The following DPYD variants were observed in gnomAD, a reference collection of about 807,000 sequenced individuals.
DPYD encodes dihydropyrimidine dehydrogenase [NADP(+)].
Under a neutral mutation model 116.2 loss-of-function variants are expected in DPYD, and 109 were observed. The observed-to-expected ratio is 0.94, with a 90% CI of 0.80 to 1.10. The LOEUF (loss-of-function observed/expected upper bound fraction) is 1.10. Among genes scored for constraint, DPYD ranks in the 50% least tolerant of loss-of-function variants. DPYD has a pLI of 0.00. For synonymous variants in DPYD, 440 were observed against 432.0 expected (o/e 1.02, Z -0.23); for missense variants, 1,302 against 1,254.5 (o/e 1.04, Z -0.57).
chr1:97,361,851 T>G (rs1403045227), intron 16 of DPYD, among the ~76,000 whole-genome samples: 5 of 152,222 alleles, frequency 3.3e-5, no homozygotes, highest in Admixed American at 2.6e-4. Flanking sequence ...AATATCATAC[T>G]GAATGGGCAA....
chr1:97,561,091 AT>A (rs1652111926), intron 11 of DPYD, among the ~76,000 whole-genome samples: 2 of 152,348 alleles, frequency 1.3e-5, no homozygotes, highest in African/African-American at 4.8e-5. Context: ...GTTTGTTACA[AT>A]AAAATAGGAC....
At position 97,333,922 on chromosome 1, in the gene DPYD, G is replaced by A. The variant is rs910320476; in HGVS notation, c.2059-27625C>T. Among the ~76,000 whole-genome samples, 4 of 152,118 alleles carry A rather than the reference G, an allele frequency of 2.6e-5. No homozygotes were observed. In the East Asian group the frequency reaches 5.8e-4, roughly 22 times the overall value. The stretch of plus-strand genomic sequence containing the variant: ...TCAGACAAAAATGAGCATACCATAT[G>A]CTCTATATGGAAACAAGAAAAAGTG... On this transcript the variant is annotated intron_variant, in intron 16 of 22. Transcript: ENST00000370192.
rs1208199188 is a variant in DPYD at position 97,720,831 on chromosome 1, G to A, written c.483+679C>T. The stretch of plus-strand genomic sequence containing the variant: ...ATGATACATGGGAATTAACCTGCTT[G>A]TTGACTCCAAATAGGAGACGTCAGA... On this transcript the variant is annotated intron_variant, in intron 5 of 22. Transcript: ENST00000370192. 7.5e-6 allele frequency: 12 copies of A among 1,595,638 alleles called. No homozygotes were observed. The East Asian group carries it at 2.5e-4, about 33-fold the overall frequency.
chr1:97,402,991 T>C (rs544524882), intron 14 of DPYD, among the ~76,000 whole-genome samples: 81 of 152,242 alleles, frequency 5.3e-4, no homozygotes, highest in African/African-American at 1.9e-3. Context: ...ATTCTTTTTA[T>C]ACATTGTTGC....
At position 97,803,812 on chromosome 1, in the gene DPYD, G is replaced by A. The variant is rs368910453; in HGVS notation, c.233+24302C>T. 5.6e-4 allele frequency among the ~76,000 whole-genome samples: 85 copies of A among 151,860 alleles called. 4 individuals are homozygous for A. The South Asian group carries it at 0.017, about 31-fold the overall frequency. ...GCTTATATATTACCATGCGTTACAT[G>A]GTTAGTTTTACCAAAGCAAATAACT... On this transcript the variant is annotated intron_variant, in intron 3 of 22. Transcript: ENST00000370192.
At chr1:97,252,059 T>A (rs1027621314) in intron 18 of DPYD, among the ~76,000 whole-genome samples, 3 of 137,436 alleles carry the variant, frequency 2.2e-5, no homozygotes, top group Admixed American at 2.1e-4. Flanking sequence ...AACCTTGTAG[T>A]CATAAACTTA....
At chr1:97,666,325 G>C (rs533261516) in intron 8 of DPYD, among the ~76,000 whole-genome samples, 2 of 151,798 alleles carry the variant, frequency 1.3e-5, no homozygotes, top group African/African-American at 4.8e-5. Flanking sequence ...TCTGCATGGC[G>C]AATTTTTTCT....
intron 4 of DPYD, among the ~76,000 whole-genome samples, chr1:97,733,215 AG>A (rs1663732136): frequency 6.6e-6 from 1 of 152,032 alleles, no homozygotes; most frequent in South Asian, 2.1e-4. Context: ...AACTTAGAAT[AG>A]GGTCTGTCAT....
At chr1:97,402,417 T>C (rs568724793) in intron 14 of DPYD, among the ~76,000 whole-genome samples, 3 of 152,270 alleles carry the variant, frequency 2.0e-5, no homozygotes, top group African/African-American at 7.2e-5. Flanking sequence ...AACTTCTACT[T>C]TTTCATTGTT....
At chr1:97,362,375 G>A (rs1455780779) in intron 16 of DPYD, among the ~76,000 whole-genome samples, 5 of 152,134 alleles carry the variant, frequency 3.3e-5, no homozygotes, top group Admixed American at 2.6e-4. Context: ...TGGCCATACT[G>A]CCCAAGGTAA....
chr1:97,230,040 A>G (rs1318976277), intron 19 of DPYD, among the ~76,000 whole-genome samples: 1 of 152,200 alleles, frequency 6.6e-6, no homozygotes, highest in Admixed American at 6.5e-5. Flanking sequence ...TTACACACCA[A>G]GCAGTCAATA....
intron 15 of DPYD, among the ~76,000 whole-genome samples, chr1:97,376,355 T>C (rs948738053): frequency 6.6e-6 from 1 of 152,076 alleles, no homozygotes; most frequent in Admixed American, 6.6e-5. Flanking sequence ...ATTAAAATAT[T>C]TTAAAATCAC....
chr1:97,291,176 G>C (rs1216879765), intron 18 of DPYD, among the ~76,000 whole-genome samples: 1 of 151,788 alleles, frequency 6.6e-6, no homozygotes, highest in East Asian at 1.9e-4. Context: ...TCATTAAAAA[G>C]TCAGGAAACA....
chr1:97,344,188 A>AG (rs879302245), intron 16 of DPYD, among the ~76,000 whole-genome samples: 2 of 150,972 alleles, frequency 1.3e-5, no homozygotes, highest in Admixed American at 6.6e-5. Flanking sequence ...AAATAAAAAA[A>AG]AGAGAGAGAG....
intron 13 of DPYD, among the ~76,000 whole-genome samples, chr1:97,488,972 G>A (rs148726383): frequency 5.3e-5 from 8 of 152,250 alleles, no homozygotes; most frequent in African/African-American, 1.2e-4. Flanking sequence ...GTATGCTGCC[G>A]CTTCAGTAAA....
chr1:97,290,199 T>C (rs748897657), intron 18 of DPYD, among the ~76,000 whole-genome samples: 26 of 151,886 alleles, frequency 1.7e-4, no homozygotes, highest in Non-Finnish European at 3.7e-4. Context: ...AGGATACAAG[T>C]GGAAGAACAT....
chr1:97,883,299 T>C lies in DPYD; in HGVS notation c.115A>G (p.Lys39Glu). ...TTATCAGGATTTCTTTTCCAATGTTTCTTGTCTAATTTCTTGGCCGAAGTG... is the reference window on the plus strand; with the variant it reads ...TTATCAGGATTTCTTTTCCAATGTTCCTTGTCTAATTTCTTGGCCGAAGTG... The part of the protein sequence containing the change: ...CSTSAKKLDK[K>E]HWKRNPDKNC... The change falls in exon 2 of 23, where the codon AAA becomes GAA. Residue 39 changes from lysine to glutamate, a missense_variant. Transcript: ENST00000370192. 1 of 1,612,688 alleles carries C rather than the reference T, an allele frequency of 6.2e-7. No homozygotes were observed. The highest frequency in any genetic ancestry group is 8.5e-7 in the Non-Finnish European group (1 of 1,179,002).
intron 2 of DPYD, among the ~76,000 whole-genome samples, chr1:97,845,923 G>T (rs938318616): frequency 2.0e-5 from 3 of 152,218 alleles, no homozygotes; most frequent in Admixed American, 1.3e-4. Context: ...GCCGGGACCT[G>T]TACCAGTGCC....
chr1:97,235,627 A>T (rs1661866805), intron 18 of DPYD, among the ~76,000 whole-genome samples: 1 of 152,130 alleles, frequency 6.6e-6, no homozygotes, highest in Non-Finnish European at 1.5e-5. Context: ...CTGTCTCAAA[A>T]ACAAACAAAC....
Sources: allele counts gnomAD v4.1 joint callset (sites outside exome capture counted in the v4.1 genomes callset), GRCh38; gene constraint gnomAD v4.1.1; transcripts MANE v1.5; gene names NCBI Gene and HGNC (gene_info 2026-07-23, HGNC 2026-07-21).